Variants in C5orf47 observed in about 807,000 individuals in gnomAD.
C5orf47 encodes uncharacterized protein C5orf47.
A neutral mutation model predicts 20.6 loss-of-function variants in C5orf47; 20 were observed. That is an observed-to-expected ratio of 0.97 (90% CI 0.68 to 1.41). The LOEUF is 1.41. Ranked by LOEUF, C5orf47 falls within the 40% of genes most tolerant of loss-of-function variation. C5orf47 has a pLI of 0.00. For missense variants in C5orf47, 262 were observed against 238.4 expected, an observed-to-expected ratio of 1.10 and a Z score of -0.65; for synonymous variants, 106 against 97.3, an observed-to-expected ratio of 1.09 and a Z score of -0.53.
At chr5:173,995,571 C>T (rs1759074857) in intron 1 of C5orf47, among the ~76,000 whole-genome samples, 1 of 152,168 alleles carries the variant, frequency 6.6e-6, no homozygotes, top group Non-Finnish European at 1.5e-5. Context: ...GTAATGGTTC[C>T]TACCTTAAAG....
chr5:173,991,928 C>T (rs1326109654), intron 1 of C5orf47, among the ~76,000 whole-genome samples: 2 of 152,086 alleles, frequency 1.3e-5, no homozygotes, highest in East Asian at 3.9e-4. Context: ...ACTATTAGAA[C>T]CTAGTGCTTT....
intron 1 of C5orf47, among the ~76,000 whole-genome samples, chr5:173,992,752 T>C (rs17076743): frequency 0.14 from 21,382 of 152,164 alleles, 2,089 homozygotes; most frequent in African/African-American, 0.28. Context: ...TTCAGCGCAT[T>C]TCTAATTTTT....
intron 2 of C5orf47, 70 bp from the exon 3 acceptor site, chr5:173,999,630 C>T: frequency 1.6e-6 from 1 of 634,416 alleles, no homozygotes; most frequent in Non-Finnish European, 2.7e-6. Context: ...GAGGCATTCC[C>T]AGTTGCCTCC....
chr5:173,998,074 G>T (rs1268395681), intron 1 of C5orf47, 79 bp from the exon 2 acceptor site: 1 of 856,716 alleles, frequency 1.2e-6, no homozygotes, highest in East Asian at 2.7e-5. Context: ...GAGACCTCAA[G>T]AAACATTTAT....
At chr5:173,996,271 T>G (rs1369857538) in intron 1 of C5orf47, among the ~76,000 whole-genome samples, 2 of 152,116 alleles carry the variant, frequency 1.3e-5, no homozygotes, top group African/African-American at 4.8e-5. Context: ...TAGAGAAAGA[T>G]TTGAAACATA....
chr5:173,989,715 C>CGAGCACG (rs1175795408), intron 1 of C5orf47, 127 bp downstream of exon 1: 24 of 857,108 alleles, frequency 2.8e-5, no homozygotes, highest in Non-Finnish European at 3.7e-5. Context: ...GGCCGTGTTG[C>CGAGCACG]GAGCACGCGC....
chr5:174,004,533 C>T lies in C5orf47; in HGVS notation c.*279C>T, dbSNP rs1284276911. On this transcript the variant is annotated 3_prime_UTR_variant, in exon 5 of 5. Transcript: ENST00000340147. The stretch of plus-strand genomic sequence containing the variant: ...TTATTCTACATACTTTTAAATTAAC[C>T]TCATACATAAAATTAAATTAGCATA... The T allele has an allele frequency of 2.0e-5, 3 of 152,042 alleles. No individual in the cohort carries two copies. Among genetic ancestry groups the T allele is most frequent in the African/African-American group, 7.3e-5 (3 of 41,362 alleles). The allele number at this position is 152,042 out of a possible 1,614,324, so 9.4% of individuals were successfully genotyped here.
rs1759268593 is a variant in C5orf47 at position 174,005,229 on chromosome 5, GGAT to G, written c.*979_*981del. The G allele has an allele frequency of 6.6e-6, 1 of 152,098 alleles. No homozygotes were observed. The highest frequency in any genetic ancestry group is 1.5e-5 in the Non-Finnish European group (1 of 68,008). 9.4% of individuals were successfully genotyped at this position (152,098 alleles called of 1,614,324 possible). A position where few individuals can be genotyped will look rare whatever the true frequency, so the allele number is the denominator to read the frequency against. On this transcript the variant is annotated 3_prime_UTR_variant, in exon 5 of 5. Transcript: ENST00000340147. ...GGAGTGACAGGTACTTTTATATCCA[GGAT>G]GATTACAGTGATGACATCCATTCTT...
rs1032666695 is a variant in C5orf47 at position 173,989,649 on chromosome 5, C to T, written c.325+61C>T. ...GGGGCGGGACGGGGCGGAGCGGGCT[C>T]AGCTGCTGGGCGCCATCTTGCGGCA... On this transcript the variant is annotated intron_variant, in intron 1 of 4. Coordinates refer to ENST00000340147, the MANE Select transcript of C5orf47 (RefSeq NM_001144954.2). 11 of 1,300,378 alleles carry T rather than the reference C, an allele frequency of 8.5e-6. No homozygotes were observed. The East Asian group carries it at 3.2e-4, about 37-fold the overall frequency. 80.6% of individuals were successfully genotyped at this position (1,300,378 alleles called of 1,614,324 possible).
At chr5:173,991,367 C>T (rs933363296) in intron 1 of C5orf47, among the ~76,000 whole-genome samples, 6 of 152,036 alleles carry the variant, frequency 3.9e-5, no homozygotes, top group Admixed American at 6.5e-5. Flanking sequence ...TTGGAGATAG[C>T]GGGCATCTTA....
intron 1 of C5orf47, among the ~76,000 whole-genome samples, chr5:173,997,663 A>G (rs928317229): frequency 4.6e-5 from 7 of 152,052 alleles, no homozygotes; most frequent in Non-Finnish European, 1.0e-4. Context: ...GAGAAGAGGT[A>G]CGTGTGAGCT....
At chr5:174,007,023 T>G (rs1759303256), downstream of C5orf47, among the ~76,000 whole-genome samples, 1 of 152,092 alleles carries the variant, frequency 6.6e-6, no homozygotes, top group Admixed American at 6.5e-5. Flanking sequence ...TGAAAAATTC[T>G]TAGAACTGCA....
intron 1 of C5orf47, among the ~76,000 whole-genome samples, chr5:173,992,138 A>G (rs1055488380): frequency 4.6e-5 from 7 of 151,810 alleles, no homozygotes; most frequent in Non-Finnish European, 7.4e-5. Context: ...TTGCGTTTTA[A>G]TGGTTATTTC....
At chr5:174,002,103 T>G (rs762112454) in intron 4 of C5orf47, among the ~76,000 whole-genome samples, 13 of 151,722 alleles carry the variant, frequency 8.6e-5, no homozygotes, top group Non-Finnish European at 1.9e-4. Flanking sequence ...GGACTACAAG[T>G]ATGCACCACC....
rs893340604 is a variant in C5orf47, at chr5:174,005,091, T to A, written c.*837T>A. 6.6e-6 allele frequency: 1 copy of A among 152,168 alleles called. No homozygotes were observed. The highest frequency in any genetic ancestry group is 1.9e-4 in the East Asian group (1 of 5,204). The allele number at this position is 152,168 out of a possible 1,614,324, so 9.4% of individuals were successfully genotyped here. A position where few individuals can be genotyped will look rare whatever the true frequency, so the allele number is the denominator to read the frequency against. On this transcript the variant is annotated 3_prime_UTR_variant, in exon 5 of 5. Coordinates refer to ENST00000340147, the MANE Select transcript of C5orf47 (RefSeq NM_001144954.2). ...TTTCTGCTTTTTTGCTGGTACGATC[T>A]CTCTTTCTAAATTGAATCAAAGACC...
intron 4 of C5orf47, among the ~76,000 whole-genome samples, chr5:174,003,060 A>G (rs1279688722): frequency 6.6e-6 from 1 of 152,138 alleles, no homozygotes; most frequent in Admixed American, 6.6e-5. Context: ...CTGATCCCTT[A>G]TTGATGATGT....
downstream of C5orf47, among the ~76,000 whole-genome samples, chr5:174,008,766 G>A (rs530217651): frequency 6.0e-5 from 9 of 150,486 alleles, no homozygotes; most frequent in African/African-American, 1.7e-4. Context: ...CCGGGAGGCG[G>A]AGCTTGCAGT....
At chr5:173,989,620 CGGCGGGGCGGGACGG>C in intron 1 of C5orf47, 32 bp downstream of exon 1, 2 of 1,308,272 alleles carry the variant, frequency 1.5e-6, no homozygotes, top group African/African-American at 1.6e-5. Context: ...GGACCGGGCG[CGGCGGGGCGGGACGG>C]GGCGGAGCGG....
chr5:173,992,009 C>T (rs1414607776), intron 1 of C5orf47, among the ~76,000 whole-genome samples: 1 of 152,140 alleles, frequency 6.6e-6, no homozygotes, highest in Non-Finnish European at 1.5e-5. Context: ...CTTCCTAACT[C>T]TAATAGGTCA....
Sources: gnomAD v4.1 joint callset for allele counts (sites outside exome capture counted in the v4.1 genomes callset) on GRCh38, gnomAD v4.1.1 for gene constraint, MANE v1.5 for transcripts, NCBI Gene and HGNC (gene_info 2026-07-23, HGNC 2026-07-21) for gene names.